Variants in SLC15A1 observed in about 807,000 individuals in gnomAD.
The protein encoded by SLC15A1 is Caco-2 oligopeptide transporter.
Under a neutral mutation model 92.9 loss-of-function variants are expected in SLC15A1, and 83 were observed. That is an observed-to-expected ratio of 0.89 (90% CI 0.75 to 1.07). The LOEUF is 1.07. SLC15A1 is among the 50% of genes least tolerant of loss of function. SLC15A1 has a pLI of 0.00. For synonymous variants in SLC15A1, 322 were observed against 318.2 expected, an observed-to-expected ratio of 1.01 and a Z score of -0.13; for missense variants, 857 against 880.1, an observed-to-expected ratio of 0.97 and a Z score of 0.33.
chr13:98,718,726 T>C (rs1593996116), intron 8 of SLC15A1, among the ~76,000 whole-genome samples: 1 of 152,278 alleles, frequency 6.6e-6, no homozygotes, highest in South Asian at 2.1e-4. Context: ...GGAGAATCGC[T>C]TGAACCCAGG....
At chr13:98,706,686 C>T (rs1298201264) in intron 15 of SLC15A1, among the ~76,000 whole-genome samples, 1 of 152,186 alleles carries the variant, frequency 6.6e-6, no homozygotes, top group Non-Finnish European at 1.5e-5. Context: ...GTGCCTTTCA[C>T]CTTCTGCCAT....
At chr13:98,699,227 G>A (rs1031536003) in intron 18 of SLC15A1, among the ~76,000 whole-genome samples, 4 of 152,110 alleles carry the variant, frequency 2.6e-5, no homozygotes, top group African/African-American at 9.7e-5. Context: ...GGGGGAGTGG[G>A]ACTGGGCAAG....
chr13:98,726,637 G>T (rs943455750), intron 2 of SLC15A1, 188 bp from the exon 3 acceptor site: 2 of 745,976 alleles, frequency 2.7e-6, no homozygotes, highest in Admixed American at 2.1e-5. Context: ...AGACAGCAAT[G>T]AAATAAAGCA....
intron 6 of SLC15A1, 53 bp downstream of exon 6, chr13:98,721,751 C>T: frequency 1.3e-6 from 2 of 1,545,680 alleles, no homozygotes; most frequent in East Asian, 2.3e-5. Context: ...TGGCCTCTGA[C>T]TCCTGGATGT....
intron 15 of SLC15A1, among the ~76,000 whole-genome samples, chr13:98,706,598 A>G (rs987969238): frequency 2.0e-5 from 3 of 152,198 alleles, no homozygotes; most frequent in African/African-American, 7.2e-5. Context: ...AGTAAGACTC[A>G]CAAGATCAGA....
intron 1 of SLC15A1, among the ~76,000 whole-genome samples, chr13:98,739,516 A>G (rs1594009568): frequency 6.6e-6 from 1 of 152,164 alleles, no homozygotes; most frequent in Non-Finnish European, 1.5e-5. Flanking sequence ...TGTCCTCACA[A>G]TAGTGAGTTC....
chr13:98,702,098 G>T (rs1333464024), intron 18 of SLC15A1, among the ~76,000 whole-genome samples: 3 of 152,150 alleles, frequency 2.0e-5, no homozygotes, highest in Non-Finnish European at 2.9e-5. Context: ...ATCTTACCTT[G>T]TTCCTGATCT....
chr13:98,717,398 T>C (rs1324667414), intron 8 of SLC15A1, among the ~76,000 whole-genome samples: 1 of 152,254 alleles, frequency 6.6e-6, no homozygotes, highest in Non-Finnish European at 1.5e-5. Flanking sequence ...AATTCAAGCG[T>C]AGGAATTTCT....
intron 1 of SLC15A1, among the ~76,000 whole-genome samples, chr13:98,751,098 T>C (rs2069067262): frequency 6.7e-6 from 1 of 149,308 alleles, no homozygotes; most frequent in East Asian, 1.9e-4. Context: ...TTTTTCCCCA[T>C]AACAACCATT....
intron 5 of SLC15A1, among the ~76,000 whole-genome samples, chr13:98,723,522 G>A (rs2088275837): frequency 6.6e-6 from 1 of 152,196 alleles, no homozygotes; most frequent in African/African-American, 2.4e-5. Flanking sequence ...TGAAAAATAG[G>A]CAGAAGTGTG....
At chr13:98,741,885 C>T (rs990971060) in intron 1 of SLC15A1, among the ~76,000 whole-genome samples, 1 of 152,224 alleles carries the variant, frequency 6.6e-6, no homozygotes, top group African/African-American at 2.4e-5. Flanking sequence ...AATGAGGTAT[C>T]AGACTCCAAG....
At chr13:98,726,633 C>A in intron 2 of SLC15A1, 184 bp from the exon 3 acceptor site, 1 of 747,330 alleles carries the variant, frequency 1.3e-6, no homozygotes, top group South Asian at 1.6e-5. Context: ...ATAGAGACAG[C>A]AATGAAATAA....
intron 5 of SLC15A1, among the ~76,000 whole-genome samples, chr13:98,723,081 T>C (rs562583881): frequency 1.4e-3 from 212 of 152,290 alleles, no homozygotes; most frequent in Non-Finnish European, 2.6e-3. Context: ...CCAAAGTCCA[T>C]GTTCTTAACT....
In SLC15A1 at chr13:98,696,243, G is replaced by A. The variant is rs571702639; in HGVS notation, c.1466+6237C>T. Among the ~76,000 whole-genome samples the A allele has an allele frequency of 7.7e-3, 1,112 of 144,998 alleles. 55 individuals are homozygous for A. The highest frequency in any genetic ancestry group is 0.068 in the Admixed American group (980 of 14,488). ...AGCCTGGCCAATATGGTGAAACCCC[G>A]TCTCTACTAAAAATATGAAAATTAG... On this transcript the variant is annotated intron_variant, in intron 18 of 22. Coordinates refer to ENST00000376503, the MANE Select transcript of SLC15A1 (RefSeq NM_005073.4).
chr13:98,705,178 G>A (rs1358178919), intron 16 of SLC15A1, among the ~76,000 whole-genome samples: 2 of 137,034 alleles, frequency 1.5e-5, no homozygotes, highest in African/African-American at 2.8e-5. Flanking sequence ...AAGCCTGGGC[G>A]ACAGAGTGAG....
At chr13:98,690,896 C>T (rs2087969964) in intron 18 of SLC15A1, among the ~76,000 whole-genome samples, 1 of 152,190 alleles carries the variant, frequency 6.6e-6, no homozygotes, top group African/African-American at 2.4e-5. Flanking sequence ...CCCCTGGCAG[C>T]CATTCATCTG....
At chr13:98,716,490 T>C (rs1360237189) in intron 8 of SLC15A1, among the ~76,000 whole-genome samples, 3 of 151,606 alleles carry the variant, frequency 2.0e-5, no homozygotes, top group Non-Finnish European at 2.9e-5. Context: ...GGTGTGGTGA[T>C]GGGCACCTGT....
At chr13:98,700,484 C>CAAAAAA (rs56342746) in intron 18 of SLC15A1, among the ~76,000 whole-genome samples, 17,754 of 50,772 alleles carry the variant, frequency 0.35, 4,492 homozygotes, top group Non-Finnish European at 0.43. Flanking sequence ...GACCCTGTCT[C>CAAAAAA]AAAAAAAAAA....
chr13:98,685,038 T>C lies in SLC15A1; in HGVS notation c.1936-123A>G, dbSNP rs1346941708. On this transcript the variant is annotated intron_variant, in intron 22 of 22. Transcript: ENST00000376503. ...TGGAGAGTGCTTTGAAATTAAATTA[T>C]GGAAAATTGGTAAGCAACCAATACA... 7 of 886,102 alleles carry C rather than the reference T, an allele frequency of 7.9e-6. No homozygotes were observed. In the Admixed American group the frequency reaches 8.4e-5, roughly 11 times the overall value. The allele number at this position is 886,102 out of a possible 1,614,324, so 54.9% of individuals were successfully genotyped here. A position where few individuals can be genotyped will look rare whatever the true frequency, so the allele number is the denominator to read the frequency against.
Sources: allele counts gnomAD v4.1 joint callset (sites outside exome capture counted in the v4.1 genomes callset), GRCh38; gene constraint gnomAD v4.1.1; transcripts MANE v1.5; gene names NCBI Gene and HGNC (gene_info 2026-07-23, HGNC 2026-07-21).